Variants in ABCA12 observed in about 807,000 individuals in gnomAD.
ABCA12 encodes ATP binding cassette subfamily A member 12.
A neutral mutation model predicts 293.5 loss-of-function variants in ABCA12; 156 were observed. The observed-to-expected ratio is 0.53, with a 90% CI of 0.47 to 0.61. The LOEUF (loss-of-function observed/expected upper bound fraction) is 0.61, where lower values mean the gene tolerates loss of function less well. Among genes scored for constraint, ABCA12 ranks in the 20% least tolerant of loss-of-function variants. ABCA12 has a pLI of 0.00. For synonymous variants in ABCA12, 1,063 were observed against 1,108.0 expected (o/e 0.96, Z 0.81); for missense variants, 2,797 against 3,090.2 (o/e 0.91, Z 2.25).
intron 42 of ABCA12, among the ~76,000 whole-genome samples, 166 bp from the exon 43 acceptor site, chr2:214,955,527 A>C (rs572494043): frequency 6.6e-6 from 1 of 152,158 alleles, no homozygotes; most frequent in Non-Finnish European, 1.5e-5. Flanking sequence ...ACAGAAAAAT[A>C]TGAAAATCAG....
chr2:214,970,432 C>T, intron 36 of ABCA12, 32 bp from the exon 37 acceptor site: 2 of 1,611,488 alleles, frequency 1.2e-6, no homozygotes, highest in South Asian at 1.1e-5. Flanking sequence ...GAATTTTTTT[C>T]TGGCCAATGC....
chr2:215,066,472 A>T (rs1315634019), intron 2 of ABCA12, among the ~76,000 whole-genome samples: 1 of 152,120 alleles, frequency 6.6e-6, no homozygotes, highest in Non-Finnish European at 1.5e-5. Context: ...ATGTCATGGA[A>T]AAAAGAGCTT....
Position 214,949,163 on chromosome 2 carries a change from G to GA in ABCA12, c.6853-15dup. 5.0e-6 allele frequency: 8 copies of GA among 1,584,922 alleles called. No individual in the cohort carries two copies. Among genetic ancestry groups the GA allele is most frequent in the Non-Finnish European group, 5.2e-6 (6 of 1,153,768 alleles). On this transcript the variant is annotated splice_polypyrimidine_tract_variant and intron_variant, in intron 45 of 52. Transcript: ENST00000272895. Reference sequence around the variant, plus strand: ...AAGCCCAAAACACTGGTTTGAGGGAGAAAAAGAAGATATAAGCCTTAATCC... The same window carrying GA: ...AAGCCCAAAACACTGGTTTGAGGGAGAAAAAAGAAGATATAAGCCTTAATCC...
rs184547128 is a variant in ABCA12, at chr2:215,042,003, T to A, written c.872+3834A>T. Among the ~76,000 whole-genome samples, 745 of 152,222 alleles carry A rather than the reference T, an allele frequency of 4.9e-3. 8 individuals are homozygous for A. The highest frequency in any genetic ancestry group is 5.1e-3 in the Non-Finnish European group (347 of 67,998). ...TTCCTAGAATCAAAGAGTCAAGTGATGGTTTCTAGGGTCTGATTAGAAAGG... is the reference window on the plus strand; with the variant it reads ...TTCCTAGAATCAAAGAGTCAAGTGAAGGTTTCTAGGGTCTGATTAGAAAGG... On this transcript the variant is annotated intron_variant, in intron 7 of 52. Transcript: ENST00000272895.
intron 2 of ABCA12, among the ~76,000 whole-genome samples, chr2:215,079,100 T>C (rs1472911217): frequency 6.6e-6 from 1 of 152,144 alleles, no homozygotes; most frequent in Non-Finnish European, 1.5e-5. Flanking sequence ...CCTAATGATA[T>C]GGAGAAAAAC....
chr2:215,046,064 T>C (rs985664240), intron 6 of ABCA12, 49 bp from the exon 7 acceptor site: 3 of 1,575,722 alleles, frequency 1.9e-6, no homozygotes, highest in Non-Finnish European at 2.6e-6. Context: ...TTAACATTTG[T>C]AATCACATGG....
chr2:215,079,557 C>G (rs1701896515), intron 2 of ABCA12, among the ~76,000 whole-genome samples: 1 of 152,188 alleles, frequency 6.6e-6, no homozygotes, highest in Non-Finnish European at 1.5e-5. Flanking sequence ...CTTAAAGGAA[C>G]AGTTAATTCA....
At chr2:214,986,296 T>C (rs1574963513) in intron 28 of ABCA12, among the ~76,000 whole-genome samples, 1 of 152,004 alleles carries the variant, frequency 6.6e-6, no homozygotes, top group African/African-American at 2.4e-5. Flanking sequence ...ATCTAAGAGG[T>C]GCCAAGAATA....
In ABCA12 at chr2:215,015,557, G is replaced by A; in HGVS notation, c.1889C>T (p.Ser630Phe). The change falls in exon 15 of 53, where the codon TCC (serine) becomes TTC (phenylalanine). Residue 630 changes from serine (S) to phenylalanine (F), a missense_variant. Physicochemically the swap from Ser to Phe is radical, Grantham distance 155. Around this residue, in one of 3 missense-constraint regions of ABCA12, gnomAD observed 2,130 missense variants for 2,427.0 expected, o/e 0.88. Transcript: ENST00000272895. The part of the protein sequence containing the change: ...EFCNLSLSER[S>F]RQSYLIGLTL... ...GAGTCCGATGAGGTAAGACTGCCGG[G>A]ATCTCTCTGAAAGAGACAGGTTGCA... 6.2e-7 allele frequency: 1 copy of A among 1,614,104 alleles called. No individual in the cohort carries two copies. Among genetic ancestry groups the A allele is most frequent in the Non-Finnish European group, 8.5e-7 (1 of 1,179,986 alleles).
At position 214,950,932 on chromosome 2, in the gene ABCA12, G is replaced by A; in HGVS notation, c.6799C>T (p.His2267Tyr). The A allele has an allele frequency of 6.2e-7, 1 of 1,614,126 alleles. No individual in the cohort carries two copies. Reference protein sequence around the residue: ...YCLTKTYQLIHKKIIAVNNIS... With the variant: ...YCLTKTYQLIYKKIIAVNNIS... ...TTGTTTACAGCTATAATCTTTTTGT[G>A]GATAAGTTGGTAGGTCTTTGTGAGA... The change falls in exon 45 of 53, where the codon CAC (histidine) becomes TAC (tyrosine). Residue 2267 changes from histidine (H) to tyrosine (Y), a missense_variant. By Grantham distance (83) the His-to-Tyr change is moderately conservative. This residue lies in a region of ABCA12 where 2,130 missense variants were observed against 2,427.0 expected (regional missense o/e 0.88). Transcript: ENST00000272895.
intron 1 of ABCA12, among the ~76,000 whole-genome samples, chr2:215,113,884 T>C (rs546939263): frequency 1.4e-4 from 22 of 152,356 alleles, no homozygotes; most frequent in African/African-American, 5.0e-4. Flanking sequence ...GCGCTGTTTA[T>C]ACTCATTACT....
chr2:214,982,366 C>T lies in ABCA12; in HGVS notation c.4400G>A (p.Gly1467Glu). 6.2e-7 allele frequency: 1 copy of T among 1,613,762 alleles called. No homozygotes were observed. The highest frequency in any genetic ancestry group is 1.3e-5 in the African/African-American group (1 of 74,988). Residue 1467 changes from glycine to glutamate, a missense_variant, in exon 30 of 53, where the codon GGA becomes GAA. Around this residue, in one of 3 missense-constraint regions of ABCA12, gnomAD observed 2,130 missense variants for 2,427.0 expected, o/e 0.88. Coordinates refer to ENST00000272895, the MANE Select transcript of ABCA12 (RefSeq NM_173076.3). ...EEVKRTLKDT[G>E]LYSHRHKRVG... ...TCTCTTATGACGATGGCTATATAGT[C>T]CAGTATCTTTTAAAGTCCTTCAAAA...
At chr2:214,993,817 A>C (rs1177034292) in intron 23 of ABCA12, among the ~76,000 whole-genome samples, 1 of 152,188 alleles carries the variant, frequency 6.6e-6, no homozygotes. Flanking sequence ...CTTTCTAGAA[A>C]TCACTTATAT....
intron 2 of ABCA12, among the ~76,000 whole-genome samples, chr2:215,083,032 C>T (rs1171006691): frequency 1.3e-5 from 2 of 152,290 alleles, no homozygotes; most frequent in South Asian, 2.1e-4. Flanking sequence ...ACTCTTTCCA[C>T]GAAGTCATTC....
intron 1 of ABCA12, among the ~76,000 whole-genome samples, chr2:215,116,952 TCTAAA>T (rs761537237): frequency 2.5e-4 from 38 of 152,308 alleles, no homozygotes; most frequent in South Asian, 4.1e-4. Flanking sequence ...AGCAGGTAAT[TCTAAA>T]CTGGATCCTT....
intron 39 of ABCA12, among the ~76,000 whole-genome samples, chr2:214,959,944 G>A (rs1699068069): frequency 6.6e-6 from 1 of 152,122 alleles, no homozygotes; most frequent in Non-Finnish European, 1.5e-5. Flanking sequence ...ACTGAAGAAA[G>A]CTCCTAAATA....
intron 39 of ABCA12, among the ~76,000 whole-genome samples, chr2:214,965,497 T>G (rs1699233754): frequency 6.6e-6 from 1 of 152,142 alleles, no homozygotes; most frequent in African/African-American, 2.4e-5. Context: ...GACAAAGGTC[T>G]AATATCCAGA....
At chr2:215,124,995 G>A (rs1268627418) in intron 1 of ABCA12, among the ~76,000 whole-genome samples, 1 of 152,112 alleles carries the variant, frequency 6.6e-6, no homozygotes, top group African/African-American at 2.4e-5. Flanking sequence ...GGTGAGATGA[G>A]GCTCCAGTTT....
chr2:214,987,910 A>G (rs999481829), intron 26 of ABCA12, 117 bp from the exon 27 acceptor site: 100 of 1,317,872 alleles, frequency 7.6e-5, no homozygotes, highest in African/African-American at 2.8e-4. Context: ...TTTTGACACT[A>G]TATAAAACTA....
Sources: allele counts gnomAD v4.1 joint callset (sites outside exome capture counted in the v4.1 genomes callset), GRCh38; gene constraint gnomAD v4.1.1; regional missense constraint gnomAD v4.1.1; transcripts MANE v1.5; gene names NCBI Gene and HGNC (gene_info 2026-07-23, HGNC 2026-07-21).